Variants in ZBTB20 observed in about 807,000 individuals in gnomAD.
ZBTB20 encodes the protein zinc finger and BTB domain containing 20.
Under a neutral mutation model 56.9 loss-of-function variants are expected in ZBTB20, and 9 were observed. The observed-to-expected ratio is 0.16, with a 90% CI of 0.10 to 0.28. ZBTB20 has a LOEUF of 0.28. Among genes scored for constraint, ZBTB20 ranks in the 10% least tolerant of loss-of-function variants. ZBTB20 has a pLI of 1.00. For synonymous variants in ZBTB20, 417 were observed against 420.7 expected (o/e 0.99, Z 0.11); for missense variants, 655 against 1,003.0 (o/e 0.65, Z 4.69).
intron 5 of ZBTB20, among the ~76,000 whole-genome samples, chr3:114,774,380 T>C (rs562510091): frequency 3.2e-4 from 48 of 152,178 alleles, no homozygotes; most frequent in Non-Finnish European, 6.2e-4. Context: ...TTGTCTTCCA[T>C]GGAGGCCACA....
chr3:114,935,004 A>T (rs2076485289), intron 3 of ZBTB20, among the ~76,000 whole-genome samples: 1 of 152,180 alleles, frequency 6.6e-6, no homozygotes, highest in African/African-American at 2.4e-5. Flanking sequence ...GGCCTATCAA[A>T]ATTGGTTTTT....
chr3:114,924,980 C>CTTTTTTT (rs578028983), intron 3 of ZBTB20, among the ~76,000 whole-genome samples: 5 of 99,890 alleles, frequency 5.0e-5, no homozygotes, highest in Admixed American at 2.3e-4. Flanking sequence ...TTTGGTTCTT[C>CTTTTTTT]TTTTTTTTTT....
chr3:114,364,449 T>TCAAA (rs1269892912), intron 10 of ZBTB20, among the ~76,000 whole-genome samples: 2 of 152,184 alleles, frequency 1.3e-5, no homozygotes, highest in African/African-American at 4.8e-5. Context: ...AGACTCTGTC[T>TCAAA]CAAACAAACA....
intron 4 of ZBTB20, among the ~76,000 whole-genome samples, chr3:114,855,122 AGTAT>A (rs1315342955): frequency 2.0e-5 from 3 of 152,348 alleles, no homozygotes; most frequent in African/African-American, 7.2e-5. Flanking sequence ...GTGTGTTATA[AGTAT>A]GTAAATGTTA....
At chr3:114,842,034 A>G (rs771859565) in intron 4 of ZBTB20, among the ~76,000 whole-genome samples, 3 of 152,176 alleles carry the variant, frequency 2.0e-5, no homozygotes, top group Non-Finnish European at 4.4e-5. Flanking sequence ...CAGGGCTCAC[A>G]CTTCTCTTCT....
chr3:114,350,593 G>A lies in ZBTB20; in HGVS notation c.1485C>T (p.Ser495=). The change falls in exon 11 of 12, where the codon AGC becomes AGT. Residue 495 remains serine (S), a synonymous_variant. Transcript: ENST00000675478. The part of the protein sequence containing the change: ...SNLRMPLTLT[S]NTQVIGTAGN... ...CAGCTGTGCCAATGACCTGCGTGTT[G>A]CTGGTCAAGGTCAGAGGCATCCTCA... is the stretch of plus-strand genomic sequence containing the variant. The A allele has an allele frequency of 6.2e-7, 1 of 1,614,190 alleles. No individual in the cohort carries two copies. The highest frequency in any genetic ancestry group is 2.2e-5 in the East Asian group (1 of 44,860).
Position 115,115,610 on chromosome 3 carries a change from T to A in ZBTB20, c.-703+31609A>T, listed in dbSNP as rs541470662. ...TTCTAGCAGTATTTGCTGACAAATG[T>A]GATAGTTTGTTGCCATATTATTTTT... On this transcript the variant is annotated intron_variant, in intron 1 of 11. Coordinates refer to ENST00000675478, the MANE Select transcript of ZBTB20 (RefSeq NM_001348800.3). 9.8e-4 allele frequency among the ~76,000 whole-genome samples: 149 copies of A among 152,226 alleles called. 1 individual carries two copies. Among genetic ancestry groups the A allele is most frequent in the South Asian group, 4.3e-3 (21 of 4,834 alleles).
intron 4 of ZBTB20, among the ~76,000 whole-genome samples, chr3:114,896,351 T>C (rs773010777): frequency 2.6e-5 from 4 of 152,116 alleles, no homozygotes; most frequent in Non-Finnish European, 5.9e-5. Flanking sequence ...GCAATCCAAG[T>C]GTCCACTGAT....
intron 7 of ZBTB20, among the ~76,000 whole-genome samples, chr3:114,393,875 T>C (rs1018923032): frequency 7.9e-5 from 12 of 152,194 alleles, no homozygotes; most frequent in African/African-American, 2.9e-4. Flanking sequence ...GTCACTTCTC[T>C]ACAGCCCGTT....
intron 2 of ZBTB20, among the ~76,000 whole-genome samples, chr3:114,988,747 T>G (rs1314938107): frequency 1.3e-5 from 2 of 152,186 alleles, no homozygotes; most frequent in East Asian, 1.9e-4. Context: ...TTTCTCCACA[T>G]CCTCTCCAGC....
intron 4 of ZBTB20, among the ~76,000 whole-genome samples, chr3:114,897,793 T>C (rs927310070): frequency 2.6e-5 from 4 of 152,100 alleles, no homozygotes; most frequent in Non-Finnish European, 5.9e-5. Flanking sequence ...GTTCCATGCC[T>C]AAAAGTACAT....
intron 2 of ZBTB20, among the ~76,000 whole-genome samples, chr3:115,036,369 G>A (rs975796815): frequency 2.6e-5 from 4 of 151,176 alleles, no homozygotes; most frequent in African/African-American, 7.3e-5. Flanking sequence ...TCGCGATCTC[G>A]GCTCACTGTA....
Position 114,797,751 on chromosome 3 carries a change from T to C in ZBTB20, c.-343+3350A>G, listed in dbSNP as rs143036089. On this transcript the variant is annotated intron_variant, in intron 5 of 11. Coordinates refer to ENST00000675478, the MANE Select transcript of ZBTB20 (RefSeq NM_001348800.3). ...GGTATCACCATGTCTCGATTCCTCC[T>C]TCTCTATATGCCAAAGCTTCCATGG... Among the ~76,000 whole-genome samples, 394 of 152,000 alleles carry C rather than the reference T, an allele frequency of 2.6e-3. 1 individual carries two copies. Among genetic ancestry groups the C allele is most frequent in the African/African-American group, 8.8e-3 (364 of 41,524 alleles).
Position 114,321,503 on chromosome 3 carries a change from GAGA to G in ZBTB20, c.*17499_*17501del, listed in dbSNP as rs1167844674. 6.6e-6 allele frequency: 1 copy of G among 152,246 alleles called. No homozygotes were observed. Among genetic ancestry groups the G allele is most frequent in the Non-Finnish European group, 1.5e-5 (1 of 68,060 alleles). The allele number at this position is 152,246 out of a possible 1,614,324, so 9.4% of individuals were successfully genotyped here. ...ACTGGCCCTTGCCTTCAATAAAGCA[GAGA>G]AGGTGTGCAAAGTTTCAATGGCAGG... is the stretch of plus-strand genomic sequence containing the variant. On this transcript the variant is annotated 3_prime_UTR_variant, in exon 12 of 12. Transcript: ENST00000675478.
chr3:114,445,086 G>A (rs2091186256), intron 7 of ZBTB20, among the ~76,000 whole-genome samples: 2 of 152,108 alleles, frequency 1.3e-5, no homozygotes, highest in Non-Finnish European at 2.9e-5. Context: ...TTAAAGCAGA[G>A]CTTTTAAACT....
chr3:115,142,659 CAA>C (rs535455119), intron 1 of ZBTB20, among the ~76,000 whole-genome samples: 104 of 107,660 alleles, frequency 9.7e-4, no homozygotes, highest in Admixed American at 9.5e-4. Flanking sequence ...AAGACTCCAT[CAA>C]AAAAAAAAAA....
At chr3:114,413,888 T>C (rs561959562) in intron 7 of ZBTB20, among the ~76,000 whole-genome samples, 1 of 152,316 alleles carries the variant, frequency 6.6e-6, no homozygotes, top group Admixed American at 6.5e-5. Context: ...CTTCTGAAGC[T>C]CTGCTACCAC....
chr3:114,418,351 AC>A (rs1390430843), intron 7 of ZBTB20, among the ~76,000 whole-genome samples: 2 of 151,980 alleles, frequency 1.3e-5, no homozygotes, highest in Non-Finnish European at 2.9e-5. Context: ...CTGACATTTG[AC>A]CTGGGAGAGT....
chr3:114,696,097 C>A (rs2062994858), intron 5 of ZBTB20, among the ~76,000 whole-genome samples: 1 of 151,928 alleles, frequency 6.6e-6, no homozygotes, highest in Non-Finnish European at 1.5e-5. Flanking sequence ...TGGGATAATA[C>A]CAATAATCTC....
Sources: gnomAD v4.1 joint callset for allele counts (sites outside exome capture counted in the v4.1 genomes callset) on GRCh38, gnomAD v4.1.1 for gene constraint, MANE v1.5 for transcripts, NCBI Gene and HGNC (gene_info 2026-07-23, HGNC 2026-07-21) for gene names.